The following TERB1 variants were observed in gnomAD, a reference collection of about 807,000 sequenced individuals.
TERB1 encodes the protein telomere repeats-binding bouquet formation protein 1.
TERB1 carries 63 observed loss-of-function variants against 92.3 expected under a neutral mutation model. The observed-to-expected ratio is 0.68, with a 90% CI of 0.56 to 0.84. The LOEUF (loss-of-function observed/expected upper bound fraction) is 0.84, where lower values mean the gene tolerates loss of function less well. Among genes scored for constraint, TERB1 ranks in the 40% least tolerant of loss-of-function variants. TERB1 has a pLI of 0.00. For synonymous variants in TERB1, 252 were observed against 283.9 expected (o/e 0.89, Z 1.13); for missense variants, 709 against 843.7 (o/e 0.84, Z 1.98).
intron 16 of TERB1, among the ~76,000 whole-genome samples, chr16:66,764,078 T>G (rs1196066502): frequency 2.7e-5 from 3 of 109,806 alleles, no homozygotes; most frequent in African/African-American, 1.3e-4. Flanking sequence ...TGCTAAGGAA[T>G]TTTAACTCTT....
At chr16:66,772,513 TG>T in intron 13 of TERB1, 75 bp downstream of exon 13, 1 of 1,281,464 alleles carries the variant, frequency 7.8e-7, no homozygotes, top group Non-Finnish European at 1.1e-6. Flanking sequence ...TATATGTCAG[TG>T]TAGTATGGAG....
At chr16:66,799,067 A>T (rs534223395) in intron 2 of TERB1, among the ~76,000 whole-genome samples, 1 of 152,356 alleles carries the variant, frequency 6.6e-6, no homozygotes, top group East Asian at 1.9e-4. Flanking sequence ...TAAGATTTGG[A>T]AAATATTACT....
chr16:66,798,623 A>C (rs1959213494), intron 2 of TERB1, among the ~76,000 whole-genome samples: 1 of 152,256 alleles, frequency 6.6e-6, no homozygotes, highest in Non-Finnish European at 1.5e-5. Flanking sequence ...GTTAACCAAA[A>C]AGAGTATAAG....
In TERB1 at chr16:66,770,232, G is replaced by A. The variant is rs576039307; in HGVS notation, c.1350C>T (p.Leu450=). The stretch of plus-strand genomic sequence containing the variant: ...TACCTCGACCAATCCGATCTGCATG[G>A]AGATGTTTCCATGTATTCTGAATAC... ...NISIQNTWKH[L]HADRIGRGSK... Residue 450 remains leucine (L), a synonymous_variant, in exon 14 of 19, where the codon CTC becomes CTT. Coordinates refer to ENST00000433154, the MANE Select transcript of TERB1 (RefSeq NM_001136505.2). 1.3e-6 allele frequency: 2 copies of A among 1,552,164 alleles called. No homozygotes were observed. Among genetic ancestry groups the A allele is most frequent in the African/African-American group, 1.4e-5 (1 of 73,150 alleles).
intron 9 of TERB1, among the ~76,000 whole-genome samples, chr16:66,779,563 A>G (rs1238606379): frequency 2.6e-5 from 4 of 152,114 alleles, no homozygotes; most frequent in African/African-American, 9.7e-5. Flanking sequence ...ACACTACTGT[A>G]CTCCAGCCTG....
chr16:66,793,076 CAAAACAAAA>C (rs1255897292), intron 3 of TERB1, among the ~76,000 whole-genome samples: 4 of 150,272 alleles, frequency 2.7e-5, no homozygotes, highest in Non-Finnish European at 1.5e-5. Flanking sequence ...CTCAAAAAAA[CAAAACAAAA>C]AAAATTTAGA....
intron 18 of TERB1, among the ~76,000 whole-genome samples, chr16:66,756,806 G>A (rs2018146060): frequency 6.6e-6 from 1 of 152,174 alleles, no homozygotes; most frequent in African/African-American, 2.4e-5. Context: ...GAAGAAGGAA[G>A]CAGCTCTCTA....
At chr16:66,776,687 G>A (rs952325072) in intron 11 of TERB1, among the ~76,000 whole-genome samples, 2 of 152,018 alleles carry the variant, frequency 1.3e-5, no homozygotes. Context: ...AGATTGAACA[G>A]AGGGAGAATG....
chr16:66,787,952 C>T (rs2018756061), intron 6 of TERB1, among the ~76,000 whole-genome samples: 1 of 152,170 alleles, frequency 6.6e-6, no homozygotes, highest in Non-Finnish European at 1.5e-5. Flanking sequence ...ATCCCAGCTA[C>T]TCAGTAGGCT....
At chr16:66,770,397 G>T in intron 13 of TERB1, 88 bp from the exon 14 acceptor site, 1 of 921,322 alleles carries the variant, frequency 1.1e-6, no homozygotes, top group African/African-American at 1.7e-5. Flanking sequence ...GAAGAATGAA[G>T]AAAAAGTTTA....
chr16:66,796,148 G>C (rs2145259345), intron 3 of TERB1, among the ~76,000 whole-genome samples: 1 of 152,278 alleles, frequency 6.6e-6, no homozygotes, highest in African/African-American at 2.4e-5. Flanking sequence ...CTGCAATCGG[G>C]CTAAAATCTA....
intron 18 of TERB1, 142 bp downstream of exon 18, chr16:66,758,631 C>T: frequency 1.8e-6 from 1 of 557,426 alleles, no homozygotes; most frequent in Non-Finnish European, 3.1e-6. Flanking sequence ...ATCCCAGCTA[C>T]TTAGGAGGCT....
At chr16:66,773,482 A>G (rs2018489858) in intron 12 of TERB1, among the ~76,000 whole-genome samples, 1 of 152,148 alleles carries the variant, frequency 6.6e-6, no homozygotes, top group East Asian at 1.9e-4. Context: ...CTCAAGCTAC[A>G]CTGGCCATCA....
At chr16:66,777,172 A>C in intron 11 of TERB1, 31 bp downstream of exon 11, 1 of 1,493,508 alleles carries the variant, frequency 6.7e-7, no homozygotes, top group South Asian at 1.3e-5. Context: ...TTACTATTTT[A>C]ATAACCACAC....
At chr16:66,760,323 G>A (rs2018215113) in intron 16 of TERB1, among the ~76,000 whole-genome samples, 2 of 142,428 alleles carry the variant, frequency 1.4e-5, no homozygotes, top group Non-Finnish European at 3.0e-5. Flanking sequence ...GCCAGGCATG[G>A]TGGCGGGTGC....
At chr16:66,780,119 G>A (rs986481789) in intron 9 of TERB1, among the ~76,000 whole-genome samples, 1 of 152,206 alleles carries the variant, frequency 6.6e-6, no homozygotes, top group Non-Finnish European at 1.5e-5. Flanking sequence ...TGCCTGCCTC[G>A]GCCTCCCAAG....
At chr16:66,766,026 C>T (rs985832269) in intron 16 of TERB1, among the ~76,000 whole-genome samples, 6 of 149,428 alleles carry the variant, frequency 4.0e-5, no homozygotes, top group Admixed American at 2.0e-4. Flanking sequence ...CGCCCGCCAC[C>T]GCGCCCGGCT....
intron 13 of TERB1, 85 bp downstream of exon 13, chr16:66,772,502 TTA>T (rs2018468388): frequency 8.1e-7 from 1 of 1,236,294 alleles, no homozygotes; most frequent in Non-Finnish European, 1.1e-6. Context: ...AACAAAAAAT[TTA>T]TATGTCAGTG....
chr16:66,790,693 C>T lies in TERB1; in HGVS notation c.173G>A (p.Gly58Asp), dbSNP rs1266090203. 11 of 1,550,856 alleles carry T rather than the reference C, an allele frequency of 7.1e-6. No homozygotes were observed. Among genetic ancestry groups the T allele is most frequent in the Non-Finnish European group, 9.6e-6 (11 of 1,146,694 alleles). ...SNASVYFREI[G>D]GLMFVKNLAK... ...AAGATTTTTTACAAACATCAAACCA[C>T]CAATTTCCCGAAAATAAACACTTGC... The change falls in exon 5 of 19, where the codon GGT becomes GAT. Residue 58 changes from glycine to aspartate, a missense_variant. Transcript: ENST00000433154.
Sources: allele counts gnomAD v4.1 joint callset (sites outside exome capture counted in the v4.1 genomes callset), GRCh38; gene constraint gnomAD v4.1.1; transcripts MANE v1.5; gene names NCBI Gene and HGNC (gene_info 2026-07-23, HGNC 2026-07-21).